SPRED2: variants seen among roughly 807,000 people sequenced by gnomAD.
SPRED2 encodes sprouty related EVH1 domain containing 2.
In SPRED2, 47 loss-of-function variants were observed where a neutral mutation model predicts 43.0. The observed-to-expected ratio is 1.09, with a 90% CI of 0.87 to 1.40. The LOEUF (loss-of-function observed/expected upper bound fraction) is 1.40. SPRED2 is among the 40% of genes most tolerant of loss of function. The pLI is 0.00. For synonymous variants in SPRED2, 225 were observed against 225.7 expected (o/e 1.00, Z 0.03); for missense variants, 561 against 586.4 (o/e 0.96, Z 0.45).
At chr2:65,349,301 TCTGTCTC>T (rs1558663426) in intron 1 of SPRED2, among the ~76,000 whole-genome samples, 1 of 115,882 alleles carries the variant, frequency 8.6e-6, no homozygotes, top group African/African-American at 3.7e-5. Flanking sequence ...ACAGCAAGAC[TCTGTCTC>T]AAAAAAAAAA....
chr2:65,406,545 A>G (rs759089441), intron 1 of SPRED2, among the ~76,000 whole-genome samples: 1 of 152,218 alleles, frequency 6.6e-6, no homozygotes, highest in African/African-American at 2.4e-5. Flanking sequence ...AAAGTTGGTC[A>G]TTATACTCTT....
chr2:65,399,979 TAAAAAACA>T (rs1675846000), intron 1 of SPRED2, among the ~76,000 whole-genome samples: 1 of 151,284 alleles, frequency 6.6e-6, no homozygotes, highest in Non-Finnish European at 1.5e-5. Flanking sequence ...ATATAAAAAT[TAAAAAACA>T]AAAAAACAAA....
intron 4 of SPRED2, among the ~76,000 whole-genome samples, chr2:65,322,286 A>ATTTTT (rs1558649792): frequency 6.1e-5 from 6 of 98,372 alleles, no homozygotes; most frequent in African/African-American, 2.4e-4. Context: ...ATATATATAT[A>ATTTTT]TATATATATT....
chr2:65,410,942 C>T lies in SPRED2; in HGVS notation c.26+21020G>A, dbSNP rs546868528. 5.3e-4 allele frequency among the ~76,000 whole-genome samples: 80 copies of T among 152,056 alleles called. No individual in the cohort carries two copies. In the South Asian group the frequency reaches 9.4e-3, roughly 18 times the overall value. ...TCAGTGCAGGGCAACCAACTGCCAT[C>T]GGGACAGGGGTCATGGTCTGCACAG... On this transcript the variant is annotated intron_variant, in intron 1 of 5. Transcript: ENST00000356388.
chr2:65,361,730 G>C (rs563529338), intron 1 of SPRED2, among the ~76,000 whole-genome samples: 1 of 152,262 alleles, frequency 6.6e-6, no homozygotes, highest in African/African-American at 2.4e-5. Context: ...TTTTTCTTTG[G>C]AACAGGTTCC....
chr2:65,422,762 GT>G (rs1425534052), intron 1 of SPRED2, among the ~76,000 whole-genome samples: 2 of 152,040 alleles, frequency 1.3e-5, no homozygotes, highest in African/African-American at 4.8e-5. Context: ...GTTTTTTGTT[GT>G]TGTTTTTTAT....
At chr2:65,367,493 T>A (rs947743243) in intron 1 of SPRED2, among the ~76,000 whole-genome samples, 7 of 152,182 alleles carry the variant, frequency 4.6e-5, no homozygotes, top group Admixed American at 4.6e-4. Flanking sequence ...TTTTTTTCAG[T>A]CCCTGCAATC....
downstream of SPRED2, among the ~76,000 whole-genome samples, chr2:65,309,395 A>C (rs1673011512): frequency 6.7e-6 from 1 of 150,212 alleles, no homozygotes. Flanking sequence ...AGTCCTAGCT[A>C]CTCGAGGGGA....
rs535592300 is a variant in SPRED2, at chr2:65,356,377, C to T, written c.27-11481G>A. On this transcript the variant is annotated intron_variant, in intron 1 of 5. Coordinates refer to ENST00000356388, the MANE Select transcript of SPRED2 (RefSeq NM_181784.3). Reference sequence around the variant, plus strand: ...ACACTTCTTTCAACTTTTCTGAACACCTGAAAATCATAAATATTGGGAGAG... The same window carrying T: ...ACACTTCTTTCAACTTTTCTGAACATCTGAAAATCATAAATATTGGGAGAG... Among the ~76,000 whole-genome samples the T allele has an allele frequency of 5.9e-4, 89 of 152,068 alleles. 1 individual carries two copies. Among genetic ancestry groups the T allele is most frequent in the Non-Finnish European group, 1.1e-3 (75 of 67,982 alleles).
intron 1 of SPRED2, chr2:65,377,876 G>T (rs140681492): frequency 2.8e-6 from 1 of 359,908 alleles, no homozygotes; most frequent in Non-Finnish European, 5.5e-6. Context: ...AGCTGTCCAC[G>T]GAGCTGACTC....
At chr2:65,384,424 A>G (rs1045152897) in intron 1 of SPRED2, among the ~76,000 whole-genome samples, 1 of 152,206 alleles carries the variant, frequency 6.6e-6, no homozygotes, top group African/African-American at 2.4e-5. Flanking sequence ...GACCAGCTGC[A>G]TGATTTGCAG....
chr2:65,416,456 G>C (rs1676276706), intron 1 of SPRED2, among the ~76,000 whole-genome samples: 2 of 152,136 alleles, frequency 1.3e-5, no homozygotes, highest in South Asian at 4.1e-4. Context: ...AGAGAGTGTG[G>C]AAGAGTGGGT....
At chr2:65,327,602 C>G (rs1673665335) in intron 4 of SPRED2, among the ~76,000 whole-genome samples, 1 of 152,150 alleles carries the variant, frequency 6.6e-6, no homozygotes, top group African/African-American at 2.4e-5. Context: ...GACACCCCAC[C>G]CTGTGTTGGG....
chr2:65,411,516 TG>T (rs1299885667), intron 1 of SPRED2, among the ~76,000 whole-genome samples: 2 of 152,192 alleles, frequency 1.3e-5, no homozygotes, highest in Non-Finnish European at 2.9e-5. Flanking sequence ...GTAAATGGCT[TG>T]AAGGGACTTG....
rs533993815 is a variant in SPRED2 at position 65,389,681 on chromosome 2, G to C, written c.26+42281C>G. Among the ~76,000 whole-genome samples the C allele has an allele frequency of 2.7e-5, 4 of 148,340 alleles. No individual in the cohort carries two copies. The South Asian group carries it at 8.4e-4, about 31-fold the overall frequency. The stretch of plus-strand genomic sequence containing the variant: ...CAATTAATGTGACAAAACAATTATA[G>C]AATTTCTGGCATCGTTCTCAGAAAT... On this transcript the variant is annotated intron_variant, in intron 1 of 5. Coordinates refer to ENST00000356388, the MANE Select transcript of SPRED2 (RefSeq NM_181784.3).
intron 2 of SPRED2, among the ~76,000 whole-genome samples, chr2:65,337,036 A>C (rs1338265122): frequency 6.6e-6 from 1 of 152,084 alleles, no homozygotes; most frequent in Non-Finnish European, 1.5e-5. Context: ...TGAACCCGGG[A>C]GGCGGAGCTT....
chr2:65,425,604 T>C (rs1676538359), intron 1 of SPRED2, among the ~76,000 whole-genome samples: 2 of 152,178 alleles, frequency 1.3e-5, no homozygotes, highest in African/African-American at 2.4e-5. Flanking sequence ...ATGGGACATA[T>C]GTCAAGATGT....
chr2:65,394,164 C>G (rs967305820), intron 1 of SPRED2, among the ~76,000 whole-genome samples: 1 of 152,156 alleles, frequency 6.6e-6, no homozygotes, highest in Non-Finnish European at 1.5e-5. Context: ...TAAAGTCCAG[C>G]AAACAATTTA....
chr2:65,405,490 C>T (rs1332977211), intron 1 of SPRED2, among the ~76,000 whole-genome samples: 1 of 152,196 alleles, frequency 6.6e-6, no homozygotes, highest in Non-Finnish European at 1.5e-5. Context: ...TCTTTTCCCC[C>T]TCTCATCACA....
Sources: allele counts gnomAD v4.1 joint callset (sites outside exome capture counted in the v4.1 genomes callset), GRCh38; gene constraint gnomAD v4.1.1; transcripts MANE v1.5; gene names NCBI Gene and HGNC (gene_info 2026-07-23, HGNC 2026-07-21).